STOX1: variants seen among roughly 807,000 people sequenced by gnomAD.
STOX1 encodes the protein storkhead box 1.
In STOX1, 57 loss-of-function variants were observed where a neutral mutation model predicts 74.8. The ratio of observed to expected loss-of-function variants is 0.76; its 90% confidence interval spans 0.62 to 0.95. The LOEUF (loss-of-function observed/expected upper bound fraction) is 0.95, where lower values mean the gene tolerates loss of function less well. Ranked by LOEUF, STOX1 falls within the 40% of genes least tolerant of loss-of-function variation. The pLI is 0.00. For missense variants in STOX1, 1,010 were observed against 1,117.0 expected (o/e 0.90, Z 1.37); for synonymous variants, 375 against 401.3 (o/e 0.93, Z 0.78).
chr10:68,893,204 T>C (rs1304777915), downstream of STOX1: 1 of 175,572 alleles, frequency 5.7e-6, no homozygotes, highest in African/African-American at 2.4e-5. Flanking sequence ...CTGCAAGATA[T>C]CTATGCAACC....
chr10:68,841,122 T>G (rs1839683193), intron 1 of STOX1, among the ~76,000 whole-genome samples: 1 of 152,044 alleles, frequency 6.6e-6, no homozygotes, highest in Non-Finnish European at 1.5e-5. Flanking sequence ...CATTTTTGTA[T>G]TTTTAGTAGA....
In STOX1 at chr10:68,874,658, C is replaced by A. The variant is rs560034742; in HGVS notation, c.311-7300C>A. On this transcript the variant is annotated intron_variant, in intron 1 of 3. Coordinates refer to ENST00000298596, the MANE Select transcript of STOX1 (RefSeq NM_152709.5). ...CCTGGGCGACAGAGCGAGACTCCGT[C>A]TCAAAAAAAAAAAAAAAAAAAAAAA... Among the ~76,000 whole-genome samples, 5 of 18,920 alleles carry A rather than the reference C, an allele frequency of 2.6e-4. No individual in the cohort carries two copies. The South Asian group carries it at 9.8e-3, about 37-fold the overall frequency. 12.4% of individuals were successfully genotyped at this position (18,920 alleles called of 152,430 possible).
chr10:68,892,559 C>G, intron 3 of STOX1, 30 bp from the exon 4 acceptor site: 1 of 1,608,906 alleles, frequency 6.2e-7, no homozygotes, highest in Non-Finnish European at 8.5e-7. Flanking sequence ...CCTTCGAAGC[C>G]AATAATTCTG....
In STOX1 at chr10:68,885,296, G is replaced by T. The variant is rs747490375; in HGVS notation, c.1500G>T (p.Leu500Phe). ...GAATCAGTAATCCTTTCCAGGGTTT[G>T]TCTCACCGAGGAAGCACAATATCCA... is the stretch of plus-strand genomic sequence containing the variant. The part of the protein sequence containing the change: ...KKRISNPFQG[L>F]SHRGSTISKG... The change falls in exon 3 of 4, where the codon TTG becomes TTT. Residue 500 changes from leucine (L) to phenylalanine (F), a missense_variant. Leu to Phe is a conservative substitution (Grantham distance 22, BLOSUM62 0). Coordinates refer to ENST00000298596, the MANE Select transcript of STOX1 (RefSeq NM_152709.5). 2 of 1,614,076 alleles carry T rather than the reference G, an allele frequency of 1.2e-6. No individual in the cohort carries two copies. The highest frequency in any genetic ancestry group is 1.7e-5 in the Admixed American group (1 of 60,004).
At position 68,886,600 on chromosome 10, in the gene STOX1, G is replaced by C. The variant is rs200009384; in HGVS notation, c.2804G>C (p.Ser935Thr). Reference sequence around the variant, plus strand: ...GAAAATCACAGCATGGCAGGAGATAGTGGAATAGATTCTCCACGGTAGGTC... The same window carrying C: ...GAAAATCACAGCATGGCAGGAGATACTGGAATAGATTCTCCACGGTAGGTC... ...GTENHSMAGD[S>T]GIDSPRTQSL... The change falls in exon 3 of 4, where the codon AGT becomes ACT. Residue 935 changes from serine (S) to threonine (T), a missense_variant. Physicochemically the swap from Ser to Thr is moderately conservative, Grantham distance 58. Coordinates refer to ENST00000298596, the MANE Select transcript of STOX1 (RefSeq NM_152709.5). The C allele has an allele frequency of 6.2e-7, 1 of 1,614,156 alleles. No homozygotes were observed. Among genetic ancestry groups the C allele is most frequent in the Admixed American group, 1.7e-5 (1 of 60,016 alleles).
rs373698908 is a variant in STOX1 at position 68,884,306 on chromosome 10, G to A, written c.510G>A (p.Thr170=). The stretch of plus-strand genomic sequence containing the variant: ...ATATTCTTTATACCACTCTGGGAAC[G>A]CTGATTAAAGAAAGGAAGATTTATC... ...SEDILYTTLG[T]LIKERKIYHT... Residue 170 remains threonine, a synonymous_variant, in exon 3 of 4, where the codon ACG becomes ACA. Transcript: ENST00000298596. 6.8e-6 allele frequency: 11 copies of A among 1,614,108 alleles called. No individual in the cohort carries two copies. The highest frequency in any genetic ancestry group is 9.3e-6 in the Non-Finnish European group (11 of 1,180,028).
At chr10:68,829,371 C>T (rs1167868532) in intron 1 of STOX1, among the ~76,000 whole-genome samples, 2 of 152,016 alleles carry the variant, frequency 1.3e-5, no homozygotes, top group African/African-American at 2.4e-5. Context: ...CAAAAATTAG[C>T]CGGGGCGTGG....
At chr10:68,856,401 C>T (rs1218526146) in intron 1 of STOX1, among the ~76,000 whole-genome samples, 2 of 152,102 alleles carry the variant, frequency 1.3e-5, no homozygotes, top group Admixed American at 1.3e-4. Flanking sequence ...TCCTTCTCCC[C>T]GTTTGGACCC....
intron 1 of STOX1, among the ~76,000 whole-genome samples, chr10:68,876,615 C>T (rs1840685719): frequency 6.6e-6 from 1 of 152,138 alleles, no homozygotes; most frequent in South Asian, 2.1e-4. Context: ...GTCTTTCAGC[C>T]TAAACACTTT....
intron 1 of STOX1, among the ~76,000 whole-genome samples, chr10:68,855,700 C>T (rs1350206797): frequency 6.6e-6 from 1 of 151,790 alleles, no homozygotes; most frequent in African/African-American, 2.4e-5. Context: ...CCACCTCAGC[C>T]TCCCAAAATG....
rs71028800 is a variant in STOX1, at chr10:68,880,164, CTTTTT to C, written c.311-1780_311-1776del. 9.6e-4 allele frequency among the ~76,000 whole-genome samples: 119 copies of C among 124,434 alleles called. 1 individual carries two copies. In the East Asian group the frequency reaches 0.027, roughly 28 times the overall value. The allele number at this position is 124,434 out of a possible 152,430, so 81.6% of individuals were successfully genotyped here. ...CTACTGAAATAGTTTTCTTTCTTTC[CTTTTT>C]TTTTTTTTTTTTTGTTTTTGTTTTG... On this transcript the variant is annotated intron_variant, in intron 1 of 3. Transcript: ENST00000298596.
At chr10:68,845,726 C>G (rs965667753) in intron 1 of STOX1, among the ~76,000 whole-genome samples, 1 of 150,684 alleles carries the variant, frequency 6.6e-6, no homozygotes, top group African/African-American at 2.4e-5. Flanking sequence ...CTCAGCCTCC[C>G]GAGTATCTGG....
chr10:68,878,410 C>T (rs988068897), intron 1 of STOX1, among the ~76,000 whole-genome samples: 2 of 152,096 alleles, frequency 1.3e-5, no homozygotes, highest in Admixed American at 6.5e-5. Flanking sequence ...ATTAATGCCC[C>T]GCTTGGACAG....
At position 68,885,854 on chromosome 10, in the gene STOX1, A is replaced by T. The variant is rs369598773; in HGVS notation, c.2058A>T (p.Arg686Ser). 25 of 1,613,992 alleles carry T rather than the reference A, an allele frequency of 1.5e-5. No homozygotes were observed. The African/African-American group carries it at 2.7e-4, about 17-fold the overall frequency. ...VGVNPLRQAA[R>S]QDKDSEELLR... ...TGAACCCTTTAAGACAAGCTGCAAG[A>T]CAAGACAAAGACTCAGAAGAATTAT... The change falls in exon 3 of 4, where the codon AGA (arginine) becomes AGT (serine). Residue 686 changes from arginine to serine, a missense_variant. Transcript: ENST00000298596.
At chr10:68,841,192 G>A (rs1030479267) in intron 1 of STOX1, among the ~76,000 whole-genome samples, 2 of 151,850 alleles carry the variant, frequency 1.3e-5, no homozygotes, top group East Asian at 1.9e-4. Flanking sequence ...TGATCTGCCC[G>A]CCTTGGTCTC....
rs1266663605 is a variant in STOX1 at position 68,886,347 on chromosome 10, G to A, written c.2551G>A (p.Asp851Asn). The change falls in exon 3 of 4, where the codon GAT becomes AAT. Residue 851 changes from aspartate (D) to asparagine (N), a missense_variant. Physicochemically the swap from Asp to Asn is conservative, Grantham distance 23 (BLOSUM62 1). Transcript: ENST00000298596. Reference protein sequence around the residue: ...AKCVQASAPADERIFDYYSAR... With the variant: ...AKCVQASAPANERIFDYYSAR... The stretch of plus-strand genomic sequence containing the variant: ...ATGTGTACAGGCCTCAGCACCTGCT[G>A]ATGAAAGAATCTTTGATTACTATAG... 6.2e-7 allele frequency: 1 copy of A among 1,614,212 alleles called. No homozygotes were observed. The highest frequency in any genetic ancestry group is 1.7e-5 in the Admixed American group (1 of 60,024).
At chr10:68,841,976 A>G (rs1839701730) in intron 1 of STOX1, among the ~76,000 whole-genome samples, 1 of 151,890 alleles carries the variant, frequency 6.6e-6, no homozygotes, top group Non-Finnish European at 1.5e-5. Context: ...GATCACAGTA[A>G]AAACTACCCA....
chr10:68,892,819 T>C lies in STOX1; in HGVS notation c.*83T>C, dbSNP rs575034511. On this transcript the variant is annotated 3_prime_UTR_variant, in exon 4 of 4. Transcript: ENST00000298596. The stretch of plus-strand genomic sequence containing the variant: ...CTTTCAATCATGTAAGAATTGAGTA[T>C]ATAAGAATTGTCTAAAGGCAAGCAT... The C allele has an allele frequency of 1.4e-4, 197 of 1,445,876 alleles. No individual in the cohort carries two copies. The highest frequency in any genetic ancestry group is 1.8e-4 in the Non-Finnish European group (187 of 1,043,030). 89.6% of individuals were successfully genotyped at this position (1,445,876 alleles called of 1,614,324 possible). A position where few individuals can be genotyped will look rare whatever the true frequency, so the allele number is the denominator to read the frequency against.
At chr10:68,866,186 T>A (rs1042734883) in intron 1 of STOX1, among the ~76,000 whole-genome samples, 1 of 152,140 alleles carries the variant, frequency 6.6e-6, no homozygotes, top group Non-Finnish European at 1.5e-5. Context: ...AAGTTATAGT[T>A]GGTTGAATAG....
Sources: allele counts gnomAD v4.1 joint callset (sites outside exome capture counted in the v4.1 genomes callset), GRCh38; gene constraint gnomAD v4.1.1; transcripts MANE v1.5; gene names NCBI Gene and HGNC (gene_info 2026-07-23, HGNC 2026-07-21).